Variants in HPS1 observed in about 807,000 individuals in gnomAD.
HPS1 encodes BLOC-3 complex member HPS1.
In HPS1, 59 loss-of-function variants were observed where a neutral mutation model predicts 90.6. That is an observed-to-expected ratio of 0.65 (90% CI 0.53 to 0.81). The LOEUF is 0.81. Among genes scored for constraint, HPS1 ranks in the 30% least tolerant of loss-of-function variants. The probability of loss-of-function intolerance (pLI) is 0.00; values close to 1 mark genes in which losing one functional copy is unlikely to be tolerated. For missense variants in HPS1, 849 were observed against 896.7 expected, an observed-to-expected ratio of 0.95 and a Z score of 0.68; for synonymous variants, 388 against 384.4, an observed-to-expected ratio of 1.01 and a Z score of -0.11.
At position 98,420,104 on chromosome 10, in the gene HPS1, G is replaced by T; in HGVS notation, c.1798C>A (p.Leu600Met). The change falls in exon 18 of 20, where the codon CTG becomes ATG. Residue 600 changes from leucine to methionine, a missense_variant. By Grantham distance (15) the Leu-to-Met change is conservative (BLOSUM62 2). Coordinates refer to ENST00000361490, the MANE Select transcript of HPS1 (RefSeq NM_000195.5). ...RRYLQKGYTT[L>M]LFQEGDFYCS... is the part of the protein sequence containing the mutation. Reference sequence around the variant, plus strand: ...TAGAAATCCCCCTCCTGGAACAGCAGCGTGGTGTAGCCCTTCTGCAGGTAT... The same window carrying T: ...TAGAAATCCCCCTCCTGGAACAGCATCGTGGTGTAGCCCTTCTGCAGGTAT... 6.2e-7 allele frequency: 1 copy of T among 1,614,128 alleles called. No homozygotes were observed. The highest frequency in any genetic ancestry group is 8.5e-7 in the Non-Finnish European group (1 of 1,179,968).
At position 98,427,250 on chromosome 10, in the gene HPS1, G is replaced by A. The variant is rs201808262; in HGVS notation, c.952C>T (p.Leu318=). The change falls in exon 11 of 20, where the codon CTG becomes TTG. Residue 318 remains leucine, a synonymous_variant. Transcript: ENST00000361490. ...GDQSSGSTIW[L]EGGTPPMDAL... is the part of the protein sequence containing the mutation. ...TCCATGGGGGGGGTGCCCCCCTCCA[G>A]CCAGATGGTGCTACCTGCAGGCCAC... The A allele has an allele frequency of 1.7e-5, 26 of 1,551,160 alleles. No individual in the cohort carries two copies. Among genetic ancestry groups the A allele is most frequent in the Non-Finnish European group, 2.2e-5 (25 of 1,146,696 alleles).
chr10:98,422,043 G>A (rs1001067154), intron 17 of HPS1, among the ~76,000 whole-genome samples: 3 of 151,146 alleles, frequency 2.0e-5, no homozygotes, highest in African/African-American at 4.9e-5. Context: ...AGTGGCAGGG[G>A]TCCTCCCCCT....
At chr10:98,428,503 C>T (rs952640378) in intron 10 of HPS1, among the ~76,000 whole-genome samples, 3 of 152,208 alleles carry the variant, frequency 2.0e-5, no homozygotes, top group African/African-American at 7.2e-5. Context: ...GAAGTATTCA[C>T]ACCTGGGTCC....
chr10:98,434,092 C>T lies in HPS1; in HGVS notation c.399-1G>A. The T allele has an allele frequency of 6.5e-7, 1 of 1,548,982 alleles. No homozygotes were observed. The highest frequency in any genetic ancestry group is 8.7e-7 in the Non-Finnish European group (1 of 1,146,900). ...CTGCGCCAGGTCTGGGGGCCGCAGCCTGGGGGCAGAGCCAGAGAGGGCGGG... is the reference window on the plus strand; with the variant it reads ...CTGCGCCAGGTCTGGGGGCCGCAGCTTGGGGGCAGAGCCAGAGAGGGCGGG... On this transcript the variant is annotated splice_acceptor_variant, in intron 5 of 19. Transcript: ENST00000361490. LOFTEE classifies it high-confidence loss of function.
chr10:98,446,929 C>G lies in HPS1; in HGVS notation c.-228G>C, dbSNP rs1449662685. ...AGCGCCCCGCCTGCAGGAGCCCGGG[C>G]GCGCTTCCGGGTAGGACCGCGTGAT... On this transcript the variant is annotated 5_prime_UTR_variant, in exon 1 of 20. Coordinates refer to ENST00000361490, the MANE Select transcript of HPS1 (RefSeq NM_000195.5). 1.3e-5 allele frequency: 2 copies of G among 152,218 alleles called. No homozygotes were observed. Among genetic ancestry groups the G allele is most frequent in the African/African-American group, 4.8e-5 (2 of 41,462 alleles). 9.4% of individuals were successfully genotyped at this position (152,218 alleles called of 1,614,324 possible).
In HPS1 at chr10:98,430,589, T is replaced by C. The variant is rs373571136; in HGVS notation, c.750A>G (p.Thr250=). ...LVQDLYPSES[T]AEDDIQPSPR... ...CTGAGACCTGAATGTCGTCCTCTGC[T>C]GTGCTCTCGCTGGGGTAGAGGTCCT... is the stretch of plus-strand genomic sequence containing the variant. Residue 250 remains threonine, a synonymous_variant, in exon 8 of 20, where the codon ACA becomes ACG. Coordinates refer to ENST00000361490, the MANE Select transcript of HPS1 (RefSeq NM_000195.5). 7 of 1,553,982 alleles carry C rather than the reference T, an allele frequency of 4.5e-6. No homozygotes were observed. In the African/African-American group the frequency reaches 5.5e-5, roughly 12 times the overall value.
Position 98,430,398 on chromosome 10 carries a change from G to A in HPS1, c.768+173C>T, listed in dbSNP as rs17109866. Among the ~76,000 whole-genome samples, 3,237 of 152,214 alleles carry A rather than the reference G, an allele frequency of 0.021. 117 individuals are homozygous for A. The highest frequency in any genetic ancestry group is 0.16 in the East Asian group (828 of 5,154). ...AACCCACTGGACCATGTGCACTCCA[G>A]AATTCCCCTTACATCTGAAAGCAGT... On this transcript the variant is annotated intron_variant, in intron 8 of 19. Transcript: ENST00000361490.
intron 17 of HPS1, among the ~76,000 whole-genome samples, chr10:98,420,550 C>A (rs893297622): frequency 6.6e-6 from 1 of 151,886 alleles, no homozygotes; most frequent in Non-Finnish European, 1.5e-5. Context: ...CCTGTCTCTA[C>A]AAAATATACA....
chr10:98,415,016 T>C (rs768519902), downstream of HPS1: 6 of 1,613,044 alleles, frequency 3.7e-6, no homozygotes, highest in Non-Finnish European at 4.2e-6. Flanking sequence ...TACCTGCTCC[T>C]ATCACCACCG....
chr10:98,427,088 C>T, intron 11 of HPS1, 127 bp downstream of exon 11: 1 of 768,276 alleles, frequency 1.3e-6, no homozygotes, highest in Non-Finnish European at 2.2e-6. Context: ...ACTGACCAGC[C>T]CTGGGGTGGG....
At position 98,435,669 on chromosome 10, in the gene HPS1, G is replaced by A. The variant is rs544468439; in HGVS notation, c.221C>T (p.Thr74Met). The A allele has an allele frequency of 1.8e-5, 29 of 1,614,178 alleles. No individual in the cohort carries two copies. The highest frequency in any genetic ancestry group is 8.8e-5 in the South Asian group (8 of 91,078). The change falls in exon 4 of 20, where the codon ACG (threonine) becomes ATG (methionine). Residue 74 changes from threonine to methionine, a missense_variant. Coordinates refer to ENST00000361490, the MANE Select transcript of HPS1 (RefSeq NM_000195.5). The surrounding 1 kb of genome is among the most constrained non-coding windows in gnomAD (Gnocchi z 4.3). ...GACATACAGGAAGTTGCCATTTTCC[G>A]TGGAGAAGCAGGTGTAGGTGTCCGA... The part of the protein sequence containing the change: ...KLSDTYTCFS[T>M]ENGNFLYVLH...
chr10:98,435,089 G>C lies in HPS1; in HGVS notation c.398+183C>G. The C allele has an allele frequency of 1.5e-6, 1 of 669,610 alleles. No homozygotes were observed. Among genetic ancestry groups the C allele is most frequent in the South Asian group, 1.8e-5 (1 of 55,660 alleles). The allele number at this position is 669,610 out of a possible 1,614,324, so 41.5% of individuals were successfully genotyped here. On this transcript the variant is annotated intron_variant, in intron 5 of 19. Coordinates refer to ENST00000361490, the MANE Select transcript of HPS1 (RefSeq NM_000195.5). The surrounding 1 kb of genome is among the most constrained non-coding windows in gnomAD (Gnocchi z 4.3). ...TTCCATTCTCTGCTCTGTTTCACCA[G>C]ATATAAAGTCAGAGGGTCAGACCAG...
At chr10:98,424,740 G>C (rs1591047721) in intron 13 of HPS1, among the ~76,000 whole-genome samples, 1 of 152,198 alleles carries the variant, frequency 6.6e-6, no homozygotes, top group East Asian at 1.9e-4. Flanking sequence ...AGGGTATGGG[G>C]TGGGCATGGG....
intron 1 of HPS1, 87 bp downstream of exon 1, chr10:98,446,720 G>C (rs1472121688): frequency 6.9e-6 from 1 of 144,282 alleles, no homozygotes; most frequent in East Asian, 2.4e-4. Context: ...CTTTGGCCCC[G>C]AGCGAGGAAG....
intron 18 of HPS1, among the ~76,000 whole-genome samples, 197 bp from the exon 19 acceptor site, chr10:98,418,454 C>T (rs987843084): frequency 2.0e-5 from 3 of 152,200 alleles, no homozygotes; most frequent in Non-Finnish European, 4.4e-5. Flanking sequence ...GTATACAAAG[C>T]TTCAAGGGCC....
chr10:98,417,744 G>A lies in HPS1; in HGVS notation c.1941-18C>T, dbSNP rs1029722371. On this transcript the variant is annotated intron_variant, in intron 19 of 19. Transcript: ENST00000361490. The surrounding 1 kb of genome is among the most constrained non-coding windows in gnomAD (Gnocchi z 4.2). ...GGAGCTTCCTGGGGAGGAAGGGGAG[G>A]ATGGGATTCAGGAGTGAGGCTGTGG... 5 of 1,613,048 alleles carry A rather than the reference G, an allele frequency of 3.1e-6. No individual in the cohort carries two copies. Among genetic ancestry groups the A allele is most frequent in the Non-Finnish European group, 4.2e-6 (5 of 1,179,432 alleles).
intron 3 of HPS1, chr10:98,442,680 ATT>A: frequency 4.0e-6 from 1 of 247,054 alleles, no homozygotes; most frequent in Non-Finnish European, 8.0e-6. Context: ...TAATTTTTGT[ATT>A]TTTTTTGTAG....
intron 19 of HPS1, 91 bp downstream of exon 19, chr10:98,418,084 A>G: frequency 1.2e-6 from 1 of 848,472 alleles, no homozygotes; most frequent in Non-Finnish European, 1.9e-6. Context: ...GAGGTAGGGC[A>G]CTGCTGAAGC....
At chr10:98,414,854 T>G, downstream of HPS1, 3 of 1,178,844 alleles carry the variant, frequency 2.5e-6, no homozygotes, top group Non-Finnish European at 3.5e-6. Flanking sequence ...GGAAGGGCTT[T>G]CCATTGCAGC....
Sources: gnomAD v4.1 joint callset for allele counts (sites outside exome capture counted in the v4.1 genomes callset) on GRCh38, gnomAD v4.1.1 for gene constraint, Gnocchi (gnomAD v3.1) non-coding constraint, MANE v1.5 for transcripts, NCBI Gene and HGNC (gene_info 2026-07-23, HGNC 2026-07-21) for gene names.